The following CIAPIN1 variants were observed in gnomAD, a reference collection of about 807,000 sequenced individuals.
The protein encoded by CIAPIN1 is anamorsin.
Under a neutral mutation model 34.3 loss-of-function variants are expected in CIAPIN1, and 18 were observed. The observed-to-expected ratio is 0.52, with a 90% CI of 0.36 to 0.78. The LOEUF (loss-of-function observed/expected upper bound fraction) is 0.78. CIAPIN1 is among the 30% of genes least tolerant of loss of function. CIAPIN1 has a pLI of 0.00. For missense variants in CIAPIN1, 310 were observed against 372.5 expected, an observed-to-expected ratio of 0.83 and a Z score of 1.38; for synonymous variants, 131 against 140.4, an observed-to-expected ratio of 0.93 and a Z score of 0.47.
intron 2 of CIAPIN1, among the ~76,000 whole-genome samples, chr16:57,440,085 C>G (rs142963353): frequency 6.6e-6 from 1 of 152,084 alleles, no homozygotes; most frequent in South Asian, 2.1e-4. Flanking sequence ...AAAGAGAATG[C>G]GTTCCTAGGG....
At chr16:57,442,063 C>T (rs146582127) in intron 1 of CIAPIN1, among the ~76,000 whole-genome samples, 8 of 152,250 alleles carry the variant, frequency 5.3e-5, no homozygotes, top group Non-Finnish European at 7.4e-5. Flanking sequence ...ATGTTGACTT[C>T]GGCTGGGCAC....
intron 5 of CIAPIN1, among the ~76,000 whole-genome samples, chr16:57,433,446 T>C (rs1400272113): frequency 1.3e-5 from 2 of 152,224 alleles, no homozygotes; most frequent in Non-Finnish European, 2.9e-5. Flanking sequence ...CCAGTAAATA[T>C]CTGTTAATGT....
chr16:57,439,928 T>TAA (rs1903289706), intron 2 of CIAPIN1, among the ~76,000 whole-genome samples: 1 of 152,188 alleles, frequency 6.6e-6, no homozygotes, highest in Non-Finnish European at 1.5e-5. Context: ...AAGAACAGGA[T>TAA]AACAGCGATG....
At chr16:57,441,517 T>A (rs1265240912) in intron 1 of CIAPIN1, 1 of 152,254 alleles carries the variant, frequency 6.6e-6, no homozygotes, top group Non-Finnish European at 1.5e-5. Flanking sequence ...TCTGTACCAT[T>A]TAATATTAGC....
rs770176138 is a variant in CIAPIN1, at chr16:57,439,265, C to T, written c.227G>A (p.Ser76Asn). Residue 76 changes from serine to asparagine, a missense_variant, in exon 3 of 9, where the codon AGT becomes AAT. Coordinates refer to ENST00000394391, the MANE Select transcript of CIAPIN1 (RefSeq NM_020313.4). ...GGCGATTTCAGCCAAAATCTCAGCA[C>T]TGTGCAGAGTGGTGCTTCCTGGGAC... ...GLVPGSTTLH[S>N]AEILAEIARI... 3.7e-6 allele frequency: 6 copies of T among 1,614,200 alleles called. No individual in the cohort carries two copies. The South Asian group carries it at 5.5e-5, about 15-fold the overall frequency.
chr16:57,436,712 T>C lies in CIAPIN1; in HGVS notation c.331A>G (p.Thr111Ala). The C allele has an allele frequency of 6.2e-7, 1 of 1,613,956 alleles. No homozygotes were observed. The highest frequency in any genetic ancestry group is 8.5e-7 in the Non-Finnish European group (1 of 1,179,872). ...TAVDNNSKVK[T>A]ASKLCSALTL... is the part of the protein sequence containing the mutation. The stretch of plus-strand genomic sequence containing the variant: ...AGGGCTGAACACAGCTTAGATGCTG[T>C]CTTCACTTTGCTATTGTTATCTGCC... Residue 111 changes from threonine to alanine, a missense_variant, in exon 4 of 9, where the codon ACA (threonine) becomes GCA (alanine). By Grantham distance (58) the Thr-to-Ala change is moderately conservative. Transcript: ENST00000394391.
chr16:57,439,016 C>T (rs1359567370), intron 3 of CIAPIN1, among the ~76,000 whole-genome samples, 166 bp downstream of exon 3: 2 of 152,184 alleles, frequency 1.3e-5, no homozygotes, highest in African/African-American at 4.8e-5. Flanking sequence ...ATTACAATTT[C>T]TCCAGATATG....
At chr16:57,439,798 G>A (rs8054596) in intron 2 of CIAPIN1, among the ~76,000 whole-genome samples, 2,688 of 152,110 alleles carry the variant, frequency 0.018, 89 homozygotes, top group African/African-American at 0.061. Context: ...TCTTAATCCC[G>A]TCATCTTCAT....
intron 1 of CIAPIN1, among the ~76,000 whole-genome samples, chr16:57,445,544 A>C (rs1283482840): frequency 2.6e-5 from 4 of 152,138 alleles, no homozygotes; most frequent in Admixed American, 6.5e-5. Context: ...CATAAAATTA[A>C]CTAACTGAAG....
chr16:57,444,225 G>GT (rs2029969400), intron 1 of CIAPIN1, among the ~76,000 whole-genome samples: 1 of 152,212 alleles, frequency 6.6e-6, no homozygotes, highest in African/African-American at 2.4e-5. Context: ...CCATGGATAA[G>GT]TTACTAGACT....
intron 6 of CIAPIN1, among the ~76,000 whole-genome samples, chr16:57,431,689 A>G (rs1903090813): frequency 6.6e-6 from 1 of 152,218 alleles, no homozygotes; most frequent in Non-Finnish European, 1.5e-5. Flanking sequence ...TCAAATAATT[A>G]TATATACCTT....
intron 2 of CIAPIN1, 149 bp downstream of exon 2, chr16:57,440,623 T>C (rs1179884549): frequency 1.2e-5 from 10 of 812,550 alleles, no homozygotes; most frequent in Non-Finnish European, 1.9e-5. Context: ...GTTCCTCCGA[T>C]ATATCTCAAC....
At chr16:57,431,537 T>TA (rs2146556476) in intron 6 of CIAPIN1, 1 of 288,858 alleles carries the variant, frequency 3.5e-6, no homozygotes, top group East Asian at 6.4e-5. Flanking sequence ...CAGCAATGTG[T>TA]AGAGAATATA....
At chr16:57,429,449 G>C (rs867406725) in intron 8 of CIAPIN1, among the ~76,000 whole-genome samples, 169 bp from the exon 9 acceptor site, 2 of 152,116 alleles carry the variant, frequency 1.3e-5, no homozygotes, top group Non-Finnish European at 2.9e-5. Context: ...TTCTGGTTTC[G>C]TGAAAAACTA....
rs1427110563 is a variant in CIAPIN1, at chr16:57,432,541, A to G, written c.576T>C (p.Pro192=). The G allele has an allele frequency of 1.2e-6, 2 of 1,612,996 alleles. No individual in the cohort carries two copies. The highest frequency in any genetic ancestry group is 1.7e-6 in the Non-Finnish European group (2 of 1,179,886). ...SSPSVKPAVD[P]AAAKLWTLSA... ...AGAGGGTCCACAGCTTGGCAGCAGC[A>G]GGGTCCACAGCAGGTTTCACTGAGT... is the stretch of plus-strand genomic sequence containing the variant. Residue 192 remains proline, a synonymous_variant, in exon 6 of 9, where the codon CCT becomes CCC. Coordinates refer to ENST00000394391, the MANE Select transcript of CIAPIN1 (RefSeq NM_020313.4).
chr16:57,441,077 GACA>G (rs1903320986), intron 1 of CIAPIN1, 94 bp from the exon 2 acceptor site: 4 of 711,096 alleles, frequency 5.6e-6, no homozygotes, highest in Non-Finnish European at 9.0e-6. Context: ...AGGGAATGCT[GACA>G]ACATTAGAAA....
Position 57,434,203 on chromosome 16 carries a change from C to T in CIAPIN1, c.397G>A (p.Glu133Lys). The change falls in exon 5 of 9, where the codon GAG (glutamate) becomes AAG (lysine). Residue 133 changes from glutamate to lysine, a missense_variant. Glu to Lys is a moderately conservative substitution (Grantham distance 56). Coordinates refer to ENST00000394391, the MANE Select transcript of CIAPIN1 (RefSeq NM_020313.4). The stretch of plus-strand genomic sequence containing the variant: ...TGTACTTCCTCAGGGGTTAGGGGCT[C>T]CCGCTGCAGCTAGAATTCAAGACAT... Reference protein sequence around the residue: ...GLVEVKELQREPLTPEEVQSV... With the variant: ...GLVEVKELQRKPLTPEEVQSV... The T allele has an allele frequency of 6.2e-7, 1 of 1,613,946 alleles. No individual in the cohort carries two copies. Among genetic ancestry groups the T allele is most frequent in the Non-Finnish European group, 8.5e-7 (1 of 1,179,920 alleles).
intron 1 of CIAPIN1, among the ~76,000 whole-genome samples, chr16:57,444,223 A>C (rs1234228947): frequency 6.6e-6 from 1 of 152,232 alleles, no homozygotes; most frequent in Non-Finnish European, 1.5e-5. Context: ...GACCATGGAT[A>C]AGTTACTAGA....
chr16:57,429,186 T>C lies in CIAPIN1; in HGVS notation c.923A>G (p.Asn308Ser), dbSNP rs1903021350. 4.3e-6 allele frequency: 7 copies of C among 1,612,136 alleles called. No homozygotes were observed. Among genetic ancestry groups the C allele is most frequent in the Non-Finnish European group, 5.9e-6 (7 of 1,179,492 alleles). The part of the protein sequence containing the change: ...PGEKVLLSDS[N>S]LHDA ...AGGAACCTCCTAGGCATCATGAAGATTGCTATCACTCAGAAGCACCTTTTC... is the reference window on the plus strand; with the variant it reads ...AGGAACCTCCTAGGCATCATGAAGACTGCTATCACTCAGAAGCACCTTTTC... The change falls in exon 9 of 9, where the codon AAT becomes AGT. Residue 308 changes from asparagine (N) to serine (S), a missense_variant. Asn to Ser is a conservative substitution (Grantham distance 46). Transcript: ENST00000394391.
Sources: gnomAD v4.1 joint callset for allele counts (sites outside exome capture counted in the v4.1 genomes callset) on GRCh38, gnomAD v4.1.1 for gene constraint, MANE v1.5 for transcripts, NCBI Gene and HGNC (gene_info 2026-07-23, HGNC 2026-07-21) for gene names.